ATXN2: variants seen among roughly 807,000 people sequenced by gnomAD.
The protein encoded by ATXN2 is ataxin-2.
A neutral mutation model predicts 138.6 loss-of-function variants in ATXN2; 37 were observed. The ratio of observed to expected loss-of-function variants is 0.27; its 90% CI spans 0.21 to 0.35. The LOEUF is 0.35. Ranked by LOEUF, ATXN2 falls within the 10% of genes least tolerant of loss-of-function variation. ATXN2 has a pLI of 1.00. For missense variants in ATXN2, 1,216 were observed against 1,480.3 expected (o/e 0.82, Z 2.93); for synonymous variants, 549 against 543.7 (o/e 1.01, Z -0.13).
Position 111,453,706 on chromosome 12 carries a change from G to A in ATXN2, c.3410C>T (p.Ala1137Val). 2.5e-6 allele frequency: 4 copies of A among 1,612,204 alleles called. No homozygotes were observed. The highest frequency in any genetic ancestry group is 3.4e-6 in the Non-Finnish European group (4 of 1,179,078). Residue 1137 changes from alanine to valine, a missense_variant, in exon 24 of 25, where the codon GCG (alanine) becomes GTG (valine). Coordinates refer to ENST00000673436, the MANE Select transcript of ATXN2 (RefSeq NM_001372574.1). This position sits in a 1 kb window ranked among gnomAD's most constrained non-coding sequence, Gnocchi z 5.4. Reference sequence around the variant, plus strand: ...AGGGTGCGTCATATAGGGGAAATGCGCTGTTGTCGAGACTGGAATGGGCTG... The same window carrying A: ...AGGGTGCGTCATATAGGGGAAATGCACTGTTGTCGAGACTGGAATGGGCTG... ...ALQPIPVSTT[A>V]HFPYMTHPSV...
At chr12:111,599,469 C>T (rs1419713183), upstream of ATXN2, 2 of 1,212,854 alleles carry the variant, frequency 1.6e-6, no homozygotes, top group Non-Finnish European at 2.1e-6. Flanking sequence ...CGGCGAGACT[C>T]GGTGGCCACC....
At chr12:111,579,971 AT>A (rs2135827828) in intron 1 of ATXN2, among the ~76,000 whole-genome samples, 1 of 152,002 alleles carries the variant, frequency 6.6e-6, no homozygotes, top group East Asian at 1.9e-4. Flanking sequence ...AAGTGCTGGG[AT>A]TACAGGCGTG....
Position 111,525,250 on chromosome 12 carries a change from G to A in ATXN2, c.638C>T (p.Pro213Leu). 6.2e-7 allele frequency: 1 copy of A among 1,613,584 alleles called. No homozygotes were observed. The highest frequency in any genetic ancestry group is 2.2e-5 in the East Asian group (1 of 44,854). ...NGEHKEKDLE[P>L]WDAGELTANE... ...GGCTGTGAGTTCACCTGCATCCCAGGGCTCCAGGTCCTTCTCTTTGTGTTC... is the reference window on the plus strand; with the variant it reads ...GGCTGTGAGTTCACCTGCATCCCAGAGCTCCAGGTCCTTCTCTTTGTGTTC... The change falls in exon 6 of 25, where the codon CCC becomes CTC. Residue 213 changes from proline to leucine, a missense_variant. By Grantham distance (98) the Pro-to-Leu change is moderately conservative (BLOSUM62 -3). Coordinates refer to ENST00000673436, the MANE Select transcript of ATXN2 (RefSeq NM_001372574.1).
intron 18 of ATXN2, among the ~76,000 whole-genome samples, chr12:111,481,419 T>C (rs1257463465): frequency 6.6e-6 from 1 of 152,118 alleles, no homozygotes; most frequent in African/African-American, 2.4e-5. Context: ...TGCTCCAGCC[T>C]GGGCACGATC....
rs987432355 is a variant in ATXN2, at chr12:111,580,944, G to A, written c.251+17840C>T. 5.3e-5 allele frequency among the ~76,000 whole-genome samples: 8 copies of A among 151,898 alleles called. No individual in the cohort carries two copies. In the East Asian group the frequency reaches 1.6e-3, roughly 29 times the overall value. ...ACCTGAGGTCATGAGTTCGAGACCA[G>A]CCTGGCCAACATGGTGCTACCCCAT... On this transcript the variant is annotated intron_variant, in intron 1 of 24. Transcript: ENST00000673436.
At chr12:111,581,429 C>T (rs1463746181) in intron 1 of ATXN2, 1 of 763,882 alleles carries the variant, frequency 1.3e-6, no homozygotes, top group Non-Finnish European at 2.4e-6. Flanking sequence ...CGGCCATCCC[C>T]CTAACTATGA....
chr12:111,496,362 T>C (rs1047473724), intron 14 of ATXN2, among the ~76,000 whole-genome samples: 1 of 151,510 alleles, frequency 6.6e-6, no homozygotes, highest in Non-Finnish European at 1.5e-5. Context: ...TGAAACCCCC[T>C]CTCTACTAAA....
chr12:111,568,572 C>A (rs565014848), intron 1 of ATXN2, among the ~76,000 whole-genome samples: 60 of 152,258 alleles, frequency 3.9e-4, no homozygotes, highest in African/African-American at 1.4e-3. Context: ...ATACCTCTAA[C>A]CCCCTTCCAG....
chr12:111,520,815 T>G lies in ATXN2; in HGVS notation c.788+67A>C, dbSNP rs932628187. On this transcript the variant is annotated intron_variant, in intron 7 of 24. Transcript: ENST00000673436. The stretch of plus-strand genomic sequence containing the variant: ...TTAAAAACTAACAAACATTTATTCA[T>G]CATAAATTAAGCTGATGAAAATCAA... The G allele has an allele frequency of 3.5e-6, 3 of 865,680 alleles. No homozygotes were observed. The African/African-American group carries it at 5.2e-5, about 15-fold the overall frequency. 53.6% of individuals were successfully genotyped at this position (865,680 alleles called of 1,614,324 possible).
chr12:111,505,904 T>G (rs1879075361), intron 14 of ATXN2, among the ~76,000 whole-genome samples: 1 of 152,212 alleles, frequency 6.6e-6, no homozygotes. Flanking sequence ...TTTGTGGCAG[T>G]GTTATTCAGA....
At chr12:111,592,912 T>C (rs1566086841) in intron 1 of ATXN2, among the ~76,000 whole-genome samples, 1 of 150,638 alleles carries the variant, frequency 6.6e-6, no homozygotes, top group Non-Finnish European at 1.5e-5. Context: ...CTCAACTATT[T>C]ACACAACATC....
intron 18 of ATXN2, among the ~76,000 whole-genome samples, chr12:111,473,327 C>T (rs534728398): frequency 6.6e-6 from 1 of 150,682 alleles, no homozygotes; most frequent in South Asian, 2.1e-4. Context: ...ATAGTAAGAA[C>T]CAACGACAAA....
rs1885029166 is a variant in ATXN2 at position 111,598,107 on chromosome 12, A to C, written c.251+677T>G. 7 of 1,119,756 alleles carry C rather than the reference A, an allele frequency of 6.3e-6. No individual in the cohort carries two copies. The South Asian group carries it at 1.0e-4, about 17-fold the overall frequency. 69.4% of individuals were successfully genotyped at this position (1,119,756 alleles called of 1,614,324 possible). On this transcript the variant is annotated intron_variant, in intron 1 of 24. Transcript: ENST00000673436. This position sits in a 1 kb window ranked among gnomAD's most constrained non-coding sequence, Gnocchi z 4.5. Reference sequence around the variant, plus strand: ...AGGCCACATGGAGCCCCACGATTTCAGGGGAGTTCGGGAGCCCCCGCCGCC... The same window carrying C: ...AGGCCACATGGAGCCCCACGATTTCCGGGGAGTTCGGGAGCCCCCGCCGCC...
At chr12:111,471,515 C>G (rs1429995534) in intron 18 of ATXN2, 1 of 152,114 alleles carries the variant, frequency 6.6e-6, no homozygotes, top group South Asian at 2.1e-4. Context: ...CAAGCCACTT[C>G]AGGAAAATAA....
At chr12:111,539,263 T>C (rs923898640) in intron 5 of ATXN2, among the ~76,000 whole-genome samples, 1 of 149,056 alleles carries the variant, frequency 6.7e-6, no homozygotes, top group Non-Finnish European at 1.5e-5. Flanking sequence ...GCAAAGAGGA[T>C]TGCTTGGGCT....
chr12:111,599,188 GA>G lies in ATXN2; in HGVS notation c.-155del. 1 of 1,205,096 alleles carries G rather than the reference GA, an allele frequency of 8.3e-7. No homozygotes were observed. Among genetic ancestry groups the G allele is most frequent in the Non-Finnish European group, 1.0e-6 (1 of 971,718 alleles). The allele number at this position is 1,205,096 out of a possible 1,614,324, so 74.7% of individuals were successfully genotyped here. On this transcript the variant is annotated 5_prime_UTR_variant, in exon 1 of 25. Transcript: ENST00000673436. ...GAGGGGCGCCCGGGCTGGCGAGGGGGAGAAGGAGGACGACGAAGGGGCGGGG... is the reference window on the plus strand; with the variant it reads ...GAGGGGCGCCCGGGCTGGCGAGGGGGGAAGGAGGACGACGAAGGGGCGGGG...
At position 111,453,482 on chromosome 12, in the gene ATXN2, C is replaced by T; in HGVS notation, c.3439+195G>A. On this transcript the variant is annotated intron_variant, in intron 24 of 24. Coordinates refer to ENST00000673436, the MANE Select transcript of ATXN2 (RefSeq NM_001372574.1). The surrounding 1 kb of genome is among the most constrained non-coding windows in gnomAD (Gnocchi z 5.4). Reference sequence around the variant, plus strand: ...CCAAATCCTGTATACCATCAGAACACACACAGACTCGGCTCCCGGAAGCCT... The same window carrying T: ...CCAAATCCTGTATACCATCAGAACATACACAGACTCGGCTCCCGGAAGCCT... 1 of 1,333,320 alleles carries T rather than the reference C, an allele frequency of 7.5e-7. No individual in the cohort carries two copies. Among genetic ancestry groups the T allele is most frequent in the Non-Finnish European group, 9.6e-7 (1 of 1,045,268 alleles). 82.6% of individuals were successfully genotyped at this position (1,333,320 alleles called of 1,614,324 possible). A position where few individuals can be genotyped will look rare whatever the true frequency, so the allele number is the denominator to read the frequency against.
At chr12:111,484,921 A>G (rs551617094) in intron 18 of ATXN2, among the ~76,000 whole-genome samples, 1 of 152,136 alleles carries the variant, frequency 6.6e-6, no homozygotes, top group South Asian at 2.1e-4. Flanking sequence ...TAGTAGAGAC[A>G]AAGTCTCTGT....
intron 23 of ATXN2, chr12:111,454,920 C>T (rs895429553): frequency 9.3e-6 from 6 of 644,770 alleles, no homozygotes; most frequent in South Asian, 3.3e-5. Flanking sequence ...CTGGCCCACA[C>T]GGACCAAACC....
Sources: gnomAD v4.1 joint callset for allele counts (sites outside exome capture counted in the v4.1 genomes callset) on GRCh38, gnomAD v4.1.1 for gene constraint, Gnocchi (gnomAD v3.1) non-coding constraint, MANE v1.5 for transcripts, NCBI Gene and HGNC (gene_info 2026-07-23, HGNC 2026-07-21) for gene names.